ADAM20: variants seen among roughly 807,000 people sequenced by gnomAD.
ADAM20 encodes the protein disintegrin and metalloproteinase domain-containing protein 20.
For synonymous variants in ADAM20, 305 were observed against 310.2 expected (o/e 0.98, Z 0.18); for missense variants, 871 against 883.2 (o/e 0.99, Z 0.18).
the ADAM20 span, among the ~76,000 whole-genome samples, chr14:70,570,173 A>G: frequency 2.0e-5 from 3 of 152,150 alleles, no homozygotes; most frequent in Non-Finnish European, 4.4e-5. Context: ...TTATACTGCT[A>G]AATGCCTACG....
chr14:70,534,491 A>T (rs1349776831), intron 1 of ADAM20, among the ~76,000 whole-genome samples: 1 of 152,200 alleles, frequency 6.6e-6, no homozygotes, highest in African/African-American at 2.4e-5. Context: ...ATGGCCCAAA[A>T]AAGGAAGGAA....
At chr14:70,570,468 A>C in the ADAM20 span, among the ~76,000 whole-genome samples, 1 of 152,170 alleles carries the variant, frequency 6.6e-6, no homozygotes, top group African/African-American at 2.4e-5. Context: ...GAAAGAAAAA[A>C]GATCACCAGA....
chr14:70,542,547 C>A, the ADAM20 span, among the ~76,000 whole-genome samples: 1 of 152,170 alleles, frequency 6.6e-6, no homozygotes, highest in Non-Finnish European at 1.5e-5. Flanking sequence ...ATTCACCCAA[C>A]TCATAGGTAT....
chr14:70,547,387 A>G, the ADAM20 span: 1 of 149,544 alleles, frequency 6.7e-6, no homozygotes, highest in Non-Finnish European at 1.5e-5. Context: ...TTTCCATCTG[A>G]GGTACCGGGT....
chr14:70,533,342 A>T (rs879576150), intron 1 of ADAM20, among the ~76,000 whole-genome samples: 4 of 152,206 alleles, frequency 2.6e-5, no homozygotes, highest in African/African-American at 4.8e-5. Context: ...AAAGACTTGG[A>T]ACCAACCCAA....
In ADAM20 at chr14:70,523,406, A is replaced by G; in HGVS notation, c.1352T>C (p.Ile451Thr). 6.2e-7 allele frequency: 1 copy of G among 1,614,026 alleles called. No homozygotes were observed. The highest frequency in any genetic ancestry group is 8.5e-7 in the Non-Finnish European group (1 of 1,179,952). The change falls in exon 2 of 2, where the codon ATA (isoleucine) becomes ACA (threonine). Residue 451 changes from isoleucine (I) to threonine (T), a missense_variant. Ile to Thr is a moderately conservative substitution (Grantham distance 89). Coordinates refer to ENST00000256389, the MANE Select transcript of ADAM20 (RefSeq NM_003814.5). ...LHPGAACAFG[I>T]CCKDCKFLPS... Reference sequence around the variant, plus strand: ...CAGAAATTTGCAGTCTTTGCAACATATTCCAAAAGCACAAGCAGCCCCAGG... The same window carrying G: ...CAGAAATTTGCAGTCTTTGCAACATGTTCCAAAAGCACAAGCAGCCCCAGG...
At chr14:70,565,312 G>A in the ADAM20 span, among the ~76,000 whole-genome samples, 2 of 151,752 alleles carry the variant, frequency 1.3e-5, no homozygotes, top group South Asian at 2.1e-4. Flanking sequence ...TATACATTAT[G>A]GAAGGCCCAG....
the ADAM20 span, among the ~76,000 whole-genome samples, chr14:70,543,076 T>C: frequency 6.6e-6 from 1 of 152,088 alleles, no homozygotes; most frequent in Non-Finnish European, 1.5e-5. Context: ...AGAAAGAAAA[T>C]TATGTTTCAA....
intron 1 of ADAM20, among the ~76,000 whole-genome samples, chr14:70,531,133 G>A (rs1396470962): frequency 6.6e-6 from 1 of 152,046 alleles, no homozygotes; most frequent in Non-Finnish European, 1.5e-5. Flanking sequence ...AATGAAAAAG[G>A]AGACATTATA....
chr14:70,563,467 C>T, the ADAM20 span, among the ~76,000 whole-genome samples: 4 of 152,268 alleles, frequency 2.6e-5, no homozygotes, highest in East Asian at 7.7e-4. Context: ...AGTTAAAAAA[C>T]TGTGTTGTTC....
At chr14:70,554,972 C>T in the ADAM20 span, among the ~76,000 whole-genome samples, 1 of 152,100 alleles carries the variant, frequency 6.6e-6, no homozygotes, top group African/African-American at 2.4e-5. Flanking sequence ...TTTAAATACC[C>T]GCTAGAATAT....
At chr14:70,566,605 C>A in the ADAM20 span, among the ~76,000 whole-genome samples, 1 of 152,038 alleles carries the variant, frequency 6.6e-6, no homozygotes, top group Admixed American at 6.6e-5. Context: ...ATATGTAAAT[C>A]AATTAAATTC....
chr14:70,531,648 T>C (rs1014820352), intron 1 of ADAM20, among the ~76,000 whole-genome samples: 1 of 151,946 alleles, frequency 6.6e-6, no homozygotes, highest in Admixed American at 6.6e-5. Flanking sequence ...AATAAATGAA[T>C]TCAACAAAGT....
At chr14:70,535,183 T>C (rs76117755), upstream of ADAM20, among the ~76,000 whole-genome samples, 384 of 152,342 alleles carry the variant, frequency 2.5e-3, 7 homozygotes, top group East Asian at 0.037. Context: ...TTTAATTTAA[T>C]GTAATTAAGC....
chr14:70,559,757 C>T, the ADAM20 span, among the ~76,000 whole-genome samples: 4 of 152,186 alleles, frequency 2.6e-5, no homozygotes, highest in East Asian at 7.7e-4. Flanking sequence ...ATACACCCAT[C>T]TCAGGGTCTT....
At chr14:70,545,898 G>A in the ADAM20 span, among the ~76,000 whole-genome samples, 1 of 152,178 alleles carries the variant, frequency 6.6e-6, no homozygotes, top group Non-Finnish European at 1.5e-5. Context: ...TTCATCTAAT[G>A]GCTACAGAAT....
the ADAM20 span, among the ~76,000 whole-genome samples, chr14:70,541,542 C>T: frequency 6.6e-6 from 1 of 152,158 alleles, no homozygotes; most frequent in African/African-American, 2.4e-5. Context: ...CTATAAAAAT[C>T]TTACCTTACG....
At chr14:70,527,080 G>C (rs1055983732) in intron 1 of ADAM20, among the ~76,000 whole-genome samples, 8 of 152,164 alleles carry the variant, frequency 5.3e-5, no homozygotes, top group African/African-American at 1.9e-4. Context: ...TGCTCACTGA[G>C]TCTCAATGTA....
chr14:70,553,001 C>T, the ADAM20 span, among the ~76,000 whole-genome samples: 12 of 44,614 alleles, frequency 2.7e-4, no homozygotes, highest in African/African-American at 1.2e-3. Context: ...GAGTTCATAT[C>T]CTTTGTAGGG....
Sources: gnomAD v4.1 joint callset for allele counts (sites outside exome capture counted in the v4.1 genomes callset) on GRCh38, gnomAD v4.1.1 for gene constraint, MANE v1.5 for transcripts, NCBI Gene and HGNC (gene_info 2026-07-23, HGNC 2026-07-21) for gene names.